Variants in MYO18B observed in about 807,000 individuals in gnomAD.
MYO18B encodes myosin XVIIIB.
In MYO18B, 204 loss-of-function variants were observed where a neutral mutation model predicts 273.0. That is an observed-to-expected ratio of 0.75 (90% CI 0.67 to 0.84). The LOEUF (loss-of-function observed/expected upper bound fraction) is 0.84, where lower values mean the gene tolerates loss of function less well. Ranked by LOEUF, MYO18B falls within the 40% of genes least tolerant of loss-of-function variation. The pLI, the probability that MYO18B is intolerant of heterozygous loss-of-function variation, is 0.00. For synonymous variants in MYO18B, 1,330 were observed against 1,305.7 expected, an observed-to-expected ratio of 1.02 and a Z score of -0.40; for missense variants, 3,212 against 3,287.6, an observed-to-expected ratio of 0.98 and a Z score of 0.56.
In MYO18B at chr22:25,763,146, C is replaced by A. The variant is rs115648321; in HGVS notation, c.40-85C>A. 2,701 of 1,528,626 alleles carry A rather than the reference C, an allele frequency of 1.8e-3. 26 individuals are homozygous for A. In the African/African-American group the frequency reaches 0.027, roughly 16 times the overall value. 94.7% of individuals were successfully genotyped at this position (1,528,626 alleles called of 1,614,324 possible). On this transcript the variant is annotated intron_variant, in intron 2 of 43. Coordinates refer to ENST00000335473, the MANE Select transcript of MYO18B (RefSeq NM_032608.7). ...CATGTATGTCTCCTCCGCCCCCTCC[C>A]AGGCTCCATCACAAACTTTGAAGGG...
In MYO18B at chr22:26,017,504, G is replaced by A. The variant is rs111345326; in HGVS notation, c.6471-8941G>A. 8.5e-3 allele frequency among the ~76,000 whole-genome samples: 1,287 copies of A among 151,982 alleles called. 10 individuals are homozygous for A. The highest frequency in any genetic ancestry group is 0.029 in the African/African-American group (1,207 of 41,418). ...TCTTCTAAGAAGGACATTTTCTAAC[G>A]TATCAGTATCGCACTTAGGAAAATT... On this transcript the variant is annotated intron_variant, in intron 42 of 43. Coordinates refer to ENST00000335473, the MANE Select transcript of MYO18B (RefSeq NM_032608.7).
chr22:25,908,241 A>T (rs1481067709), intron 31 of MYO18B, 81 bp from the exon 32 acceptor site: 1 of 1,117,502 alleles, frequency 8.9e-7, no homozygotes. Flanking sequence ...GAGAAATGCA[A>T]TTGGAATGCC....
At chr22:25,906,983 A>G (rs989427369) in intron 31 of MYO18B, among the ~76,000 whole-genome samples, 3 of 152,184 alleles carry the variant, frequency 2.0e-5, no homozygotes, top group Non-Finnish European at 2.9e-5. Flanking sequence ...GAGCCTAACC[A>G]TATCACCCAT....
In MYO18B at chr22:25,883,971, A is replaced by G. The variant is rs1422837879; in HGVS notation, c.4314+5923A>G. On this transcript the variant is annotated intron_variant, in intron 25 of 43. Coordinates refer to ENST00000335473, the MANE Select transcript of MYO18B (RefSeq NM_032608.7). The surrounding 1 kb of genome is among the most constrained non-coding windows in gnomAD (Gnocchi z 7.6). ...TGGCCTTCTTGTTGGAAGCACCTGT[A>G]AGGTTTTGGGACCACATGGGATATA... is the stretch of plus-strand genomic sequence containing the variant. 6.6e-6 allele frequency among the ~76,000 whole-genome samples: 1 copy of G among 152,052 alleles called. No homozygotes were observed. Among genetic ancestry groups the G allele is most frequent in the Non-Finnish European group, 1.5e-5 (1 of 68,006 alleles).
the MYO18B span, among the ~76,000 whole-genome samples, chr22:26,047,829 T>C: frequency 6.6e-6 from 1 of 152,210 alleles, no homozygotes. Flanking sequence ...CTGGCTTGCA[T>C]TCTATTTTAG....
At position 25,785,763 on chromosome 22, in the gene MYO18B, T is replaced by C. The variant is rs535418147; in HGVS notation, c.2376+272T>C. Among the ~76,000 whole-genome samples the C allele has an allele frequency of 5.3e-5, 8 of 152,264 alleles. No individual in the cohort carries two copies. In the South Asian group the frequency reaches 1.7e-3, roughly 32 times the overall value. ...GTTCAAGCCCCAGCTCTGACACTTG[T>C]TACGTAGGTGAACCTCAGGCATGGA... On this transcript the variant is annotated intron_variant, in intron 11 of 43. Coordinates refer to ENST00000335473, the MANE Select transcript of MYO18B (RefSeq NM_032608.7).
At chr22:26,013,340 A>G (rs1443429056) in intron 42 of MYO18B, among the ~76,000 whole-genome samples, 8 of 152,224 alleles carry the variant, frequency 5.3e-5, no homozygotes, top group African/African-American at 7.2e-5. Flanking sequence ...CAGGCCACAT[A>G]GAATTATCGG....
chr22:25,813,022 CCTTTCCTT>C (rs2145837655), intron 12 of MYO18B, among the ~76,000 whole-genome samples: 1 of 151,552 alleles, frequency 6.6e-6, no homozygotes, highest in African/African-American at 2.4e-5. Context: ...CTTCCCTCCT[CCTTTCCTT>C]CTTTCTCATC....
chr22:25,845,567 C>T (rs1004164831), intron 18 of MYO18B, among the ~76,000 whole-genome samples: 3 of 152,196 alleles, frequency 2.0e-5, no homozygotes, highest in Non-Finnish European at 2.9e-5. Flanking sequence ...ATCCTGGCCA[C>T]TAACCTCAGA....
At chr22:25,786,447 A>G (rs1165486154) in intron 11 of MYO18B, among the ~76,000 whole-genome samples, 1 of 151,332 alleles carries the variant, frequency 6.6e-6, no homozygotes, top group African/African-American at 2.4e-5. Flanking sequence ...TCAAATATAC[A>G]TGTCTGGGAA....
chr22:25,746,749 T>C (rs906495945), intron 1 of MYO18B, among the ~76,000 whole-genome samples: 1 of 152,244 alleles, frequency 6.6e-6, no homozygotes, highest in Non-Finnish European at 1.5e-5. Context: ...AGAATTCATC[T>C]AAATTTAACA....
At chr22:25,848,348 A>C (rs1180582481) in intron 20 of MYO18B, among the ~76,000 whole-genome samples, 1 of 152,282 alleles carries the variant, frequency 6.6e-6, no homozygotes, top group South Asian at 2.1e-4. Context: ...GCTCACAGTG[A>C]TGTAATACCA....
At chr22:25,863,194 C>T (rs1244893738) in intron 21 of MYO18B, among the ~76,000 whole-genome samples, 1 of 152,138 alleles carries the variant, frequency 6.6e-6, no homozygotes, top group Non-Finnish European at 1.5e-5. Flanking sequence ...TTGTTATTGA[C>T]ATTTTTTATT....
At chr22:26,050,650 C>T in the MYO18B span, among the ~76,000 whole-genome samples, 8 of 152,254 alleles carry the variant, frequency 5.3e-5, no homozygotes, top group Non-Finnish European at 7.4e-5. Context: ...TGCTACGTCC[C>T]GGTTCTTGGT....
chr22:25,832,875 G>T, intron 15 of MYO18B, 42 bp from the exon 16 acceptor site: 3 of 1,547,364 alleles, frequency 1.9e-6, no homozygotes, highest in Non-Finnish European at 2.7e-6. Flanking sequence ...TCCCCCTTCA[G>T]CTCGCTAAAA....
intron 12 of MYO18B, among the ~76,000 whole-genome samples, chr22:25,821,565 C>A (rs111672344): frequency 6.6e-6 from 1 of 152,082 alleles, no homozygotes; most frequent in Non-Finnish European, 1.5e-5. Context: ...ATCATGAGGT[C>A]GGGAGATGGA....
intron 12 of MYO18B, among the ~76,000 whole-genome samples, chr22:25,810,915 G>A (rs1215052913): frequency 6.6e-6 from 1 of 152,114 alleles, no homozygotes; most frequent in Non-Finnish European, 1.5e-5. Flanking sequence ...TGTGTTCCTT[G>A]ATGGGTTTTG....
chr22:25,893,550 T>G (rs2091718858), intron 27 of MYO18B, among the ~76,000 whole-genome samples: 1 of 152,192 alleles, frequency 6.6e-6, no homozygotes, highest in Non-Finnish European at 1.5e-5. Context: ...TGCTGCTGCT[T>G]CTTACTTTTG....
At chr22:25,825,547 T>C (rs1283003803) in intron 13 of MYO18B, among the ~76,000 whole-genome samples, 1 of 152,200 alleles carries the variant, frequency 6.6e-6, no homozygotes, top group Admixed American at 6.5e-5. Context: ...TGTGTGTGTG[T>C]ATTCGAGCAA....
Sources: allele counts gnomAD v4.1 joint callset (sites outside exome capture counted in the v4.1 genomes callset), GRCh38; gene constraint gnomAD v4.1.1; non-coding constraint Gnocchi (gnomAD v3.1); transcripts MANE v1.5; gene names NCBI Gene and HGNC (gene_info 2026-07-23, HGNC 2026-07-21).